Variants in GLIS3 observed in about 807,000 individuals in gnomAD.
GLIS3 encodes GLIS family zinc finger 3, also known as zinc finger protein GLIS3.
A neutral mutation model predicts 78.6 loss-of-function variants in GLIS3; 53 were observed. The ratio of observed to expected loss-of-function variants is 0.67; its 90% CI spans 0.54 to 0.85. The LOEUF (loss-of-function observed/expected upper bound fraction) is 0.85. Among genes scored for constraint, GLIS3 ranks in the 40% least tolerant of loss-of-function variants. GLIS3 has a pLI of 0.00. For synonymous variants in GLIS3, 684 were observed against 509.9 expected (o/e 1.34, Z -4.60); for missense variants, 1,703 against 1,231.1 (o/e 1.38, Z -5.74).
chr9:3,991,815 C>A (rs1377510733), intron 4 of GLIS3, among the ~76,000 whole-genome samples: 1 of 151,480 alleles, frequency 6.6e-6, no homozygotes, highest in Non-Finnish European at 1.5e-5. Flanking sequence ...CTCAGCCTCC[C>A]GAGTAGCTGG....
At chr9:4,240,690 C>G (rs1823216799) in intron 2 of GLIS3, among the ~76,000 whole-genome samples, 1 of 152,086 alleles carries the variant, frequency 6.6e-6, no homozygotes, top group Non-Finnish European at 1.5e-5. Context: ...AGGAATGAGA[C>G]AACTATGTAA....
Position 4,194,231 on chromosome 9 carries a change from T to C in GLIS3, c.389-68290A>G, listed in dbSNP as rs148903551. On this transcript the variant is annotated intron_variant, in intron 2 of 10. Coordinates refer to ENST00000381971, the MANE Select transcript of GLIS3 (RefSeq NM_001042413.2). ...CGCTGCCACGCCCAGCTAATTTCTT[T>C]TGTATTTTAGTAGAGACGGGGTTTC... is the stretch of plus-strand genomic sequence containing the variant. 4.0e-3 allele frequency among the ~76,000 whole-genome samples: 606 copies of C among 152,102 alleles called. 3 individuals carry two copies. Among genetic ancestry groups the C allele is most frequent in the African/African-American group, 0.014 (592 of 41,498 alleles).
At chr9:4,255,948 A>G (rs754261741) in intron 2 of GLIS3, among the ~76,000 whole-genome samples, 70 of 152,182 alleles carry the variant, frequency 4.6e-4, no homozygotes, top group Non-Finnish European at 5.0e-4. Flanking sequence ...AATGCTATGT[A>G]TATATGCGTG....
In GLIS3 at chr9:3,879,499, T is replaced by A. The variant is rs781460553; in HGVS notation, c.2225A>T (p.Asn742Ile). The A allele has an allele frequency of 6.2e-7, 1 of 1,613,898 alleles. No individual in the cohort carries two copies. Among genetic ancestry groups the A allele is most frequent in the African/African-American group, 1.3e-5 (1 of 74,864 alleles). ...GGGGTTGTGAGGGCTCCCCTGTACA[T>A]TATGTCCTGGAGAAGGGTGACTGAC... ...HPVSHPSPGH[N>I]VQGSPHNPSS... Residue 742 changes from asparagine (N) to isoleucine (I), a missense_variant, in exon 8 of 11, where the codon AAT becomes ATT. Physicochemically the swap from Asn to Ile is moderately radical, Grantham distance 149. Coordinates refer to ENST00000381971, the MANE Select transcript of GLIS3 (RefSeq NM_001042413.2).
intron 2 of GLIS3, among the ~76,000 whole-genome samples, chr9:4,182,901 T>C (rs1249027192): frequency 6.6e-6 from 1 of 152,206 alleles, no homozygotes; most frequent in Non-Finnish European, 1.5e-5. Context: ...CCTAGTTTAC[T>C]AATAAGGGAA....
intron 4 of GLIS3, among the ~76,000 whole-genome samples, chr9:4,072,850 C>T (rs1827725525): frequency 6.6e-6 from 1 of 152,058 alleles, no homozygotes; most frequent in South Asian, 2.1e-4. Flanking sequence ...TACACATGAA[C>T]AGCCTAACCG....
chr9:4,005,562 A>C (rs995965075), intron 4 of GLIS3, among the ~76,000 whole-genome samples: 25 of 152,278 alleles, frequency 1.6e-4, no homozygotes, highest in African/African-American at 5.8e-4. Flanking sequence ...TTTGATCATC[A>C]ATAAAGTGGG....
chr9:4,306,260 C>A (rs1039779881), intron 4 of GLIS3, among the ~76,000 whole-genome samples: 1 of 62,480 alleles, frequency 1.6e-5, no homozygotes, highest in East Asian at 8.5e-4. Flanking sequence ...TTTGTAGAGG[C>A]AGGGGGGTCT....
intron 6 of GLIS3, among the ~76,000 whole-genome samples, chr9:3,906,633 G>C (rs1039332773): frequency 6.6e-6 from 1 of 152,114 alleles, no homozygotes; most frequent in Non-Finnish European, 1.5e-5. Flanking sequence ...AGCACGATGG[G>C]GCCGGACCAC....
At chr9:4,471,214 C>G in the GLIS3 span, among the ~76,000 whole-genome samples, 1 of 152,210 alleles carries the variant, frequency 6.6e-6, no homozygotes, top group African/African-American at 2.4e-5. Context: ...CCATCCCCAT[C>G]AAGCTACCAA....
the GLIS3 span, among the ~76,000 whole-genome samples, chr9:4,382,916 G>A: frequency 6.6e-6 from 1 of 152,100 alleles, no homozygotes; most frequent in Non-Finnish European, 1.5e-5. Flanking sequence ...AATATTTCTG[G>A]CCCAGGGAAG....
intron 8 of GLIS3, among the ~76,000 whole-genome samples, chr9:3,865,233 G>T (rs186989487): frequency 1.2e-3 from 180 of 152,300 alleles, no homozygotes; most frequent in South Asian, 6.0e-3. Flanking sequence ...CTGGGTTTCT[G>T]CTCACCTCCA....
the GLIS3 span, among the ~76,000 whole-genome samples, chr9:4,463,605 T>C: frequency 6.6e-6 from 1 of 152,224 alleles, no homozygotes; most frequent in Non-Finnish European, 1.5e-5. Context: ...AGATATCTGC[T>C]GTTTTAGGAG....
chr9:4,327,156 G>A (rs1817613091), intron 2 of GLIS3, among the ~76,000 whole-genome samples: 1 of 152,182 alleles, frequency 6.6e-6, no homozygotes, highest in South Asian at 2.1e-4. Context: ...TGCAGTTGGT[G>A]TAGAGGTGAG....
At chr9:4,209,592 T>A (rs1820205848) in intron 2 of GLIS3, among the ~76,000 whole-genome samples, 2 of 152,186 alleles carry the variant, frequency 1.3e-5, no homozygotes, top group Non-Finnish European at 2.9e-5. Context: ...AGTAATTCCA[T>A]TTCATTTTTC....
At chr9:3,857,373 A>C (rs1819863390) in intron 8 of GLIS3, among the ~76,000 whole-genome samples, 1 of 152,230 alleles carries the variant, frequency 6.6e-6, no homozygotes, top group Non-Finnish European at 1.5e-5. Context: ...CATAGATGAT[A>C]AAAAGGGAAG....
chr9:4,094,833 T>G (rs1588659345), intron 4 of GLIS3, among the ~76,000 whole-genome samples: 2 of 152,220 alleles, frequency 1.3e-5, no homozygotes, highest in Admixed American at 6.5e-5. Flanking sequence ...GGACAAAATT[T>G]TAAAATCACA....
At chr9:4,245,135 C>T (rs189413157) in intron 2 of GLIS3, among the ~76,000 whole-genome samples, 85 of 152,242 alleles carry the variant, frequency 5.6e-4, no homozygotes, top group South Asian at 4.6e-3. Flanking sequence ...AGATTTATGA[C>T]GTCCCACTTG....
At chr9:4,282,178 T>G (rs781105191) in intron 2 of GLIS3, among the ~76,000 whole-genome samples, 46 of 152,168 alleles carry the variant, frequency 3.0e-4, no homozygotes, top group Admixed American at 3.3e-4. Context: ...TATAATCACT[T>G]TCAAAGCTTA....
Sources: gnomAD v4.1 joint callset for allele counts (sites outside exome capture counted in the v4.1 genomes callset) on GRCh38, gnomAD v4.1.1 for gene constraint, MANE v1.5 for transcripts, NCBI Gene and HGNC (gene_info 2026-07-23, HGNC 2026-07-21) for gene names.